NEK5: variants seen among roughly 807,000 people sequenced by gnomAD.
NEK5 encodes NIMA related kinase 5.
Under a neutral mutation model 109.2 loss-of-function variants are expected in NEK5, and 88 were observed. The ratio of observed to expected loss-of-function variants is 0.81; its 90% CI spans 0.68 to 0.96. The LOEUF is 0.96. Among genes scored for constraint, NEK5 ranks in the 40% least tolerant of loss-of-function variants. The probability of loss-of-function intolerance (pLI) is 0.00; values close to 1 mark genes in which losing one functional copy is unlikely to be tolerated. For synonymous variants in NEK5, 283 were observed against 299.9 expected, an observed-to-expected ratio of 0.94 and a Z score of 0.58; for missense variants, 834 against 920.7, an observed-to-expected ratio of 0.91 and a Z score of 1.22.
At chr13:52,061,627 C>T (rs1954615276) in intron 22 of NEK5, among the ~76,000 whole-genome samples, 192 bp downstream of exon 22, 1 of 152,146 alleles carries the variant, frequency 6.6e-6, no homozygotes, top group Admixed American at 6.5e-5. Flanking sequence ...ACACCACTCT[C>T]CTGGAAAGCT....
intron 12 of NEK5, among the ~76,000 whole-genome samples, chr13:52,099,292 G>A (rs1955480818): frequency 1.3e-5 from 2 of 152,150 alleles, no homozygotes; most frequent in African/African-American, 4.8e-5. Context: ...CAGCACTTTG[G>A]GAGGCCGAGG....
chr13:52,127,796 T>C (rs1410423944), intron 1 of NEK5, 134 bp from the exon 2 acceptor site: 3 of 256,054 alleles, frequency 1.2e-5, no homozygotes, highest in Non-Finnish European at 2.2e-5. Flanking sequence ...GGAATAACAA[T>C]ACCTGTTTTG....
intron 23 of NEK5, among the ~76,000 whole-genome samples, chr13:52,044,726 T>C (rs1326807894): frequency 6.6e-6 from 1 of 152,202 alleles, no homozygotes; most frequent in Non-Finnish European, 1.5e-5. Flanking sequence ...GGCTGTTATC[T>C]AACGAAGTGC....
chr13:52,063,948 G>C (rs886999857), intron 21 of NEK5, among the ~76,000 whole-genome samples: 2 of 150,074 alleles, frequency 1.3e-5, no homozygotes, highest in East Asian at 2.0e-4. Flanking sequence ...GGAGGGAGGT[G>C]GGGGGGTCAG....
intron 7 of NEK5, 40 bp downstream of exon 7, chr13:52,110,299 CT>C (rs1566814803): frequency 7.9e-7 from 1 of 1,258,174 alleles, no homozygotes; most frequent in Non-Finnish European, 1.2e-6. Flanking sequence ...CATATTTGGG[CT>C]ATTTTGACTA....
chr13:52,127,988 A>G lies in NEK5; in HGVS notation c.-90-326T>C, dbSNP rs1040707982. On this transcript the variant is annotated intron_variant, in intron 1 of 23. Transcript: ENST00000684899. ...AGCTGTTTCCCCAAGATTCAGAGGC[A>G]TGAGGTTTACAGGTGGTTGGGGCCT... Among the ~76,000 whole-genome samples the G allele has an allele frequency of 6.6e-5, 10 of 152,104 alleles. No homozygotes were observed. The South Asian group carries it at 8.3e-4, about 13-fold the overall frequency.
chr13:52,128,499 C>T (rs1956111788), intron 1 of NEK5, among the ~76,000 whole-genome samples: 1 of 152,142 alleles, frequency 6.6e-6, no homozygotes, highest in Admixed American at 6.5e-5. Flanking sequence ...ACAGTTAGGG[C>T]ATAATACAGT....
At chr13:52,099,897 C>T (rs765073219) in intron 11 of NEK5, 21 bp from the exon 12 acceptor site, 7 of 1,601,776 alleles carry the variant, frequency 4.4e-6, no homozygotes, top group South Asian at 2.2e-5. Flanking sequence ...CAAAATAAAA[C>T]AGCTTCAATT....
rs148152942 is a variant in NEK5, at chr13:52,102,119, A to G, written c.783T>C (p.Asn261=). 2 of 1,614,078 alleles carry G rather than the reference A, an allele frequency of 1.2e-6. No individual in the cohort carries two copies. The highest frequency in any genetic ancestry group is 1.3e-5 in the African/African-American group (1 of 75,064). Residue 261 remains asparagine, a synonymous_variant, in exon 10 of 24, where the codon AAT becomes AAC. Transcript: ENST00000684899. ...CAGGAGTCAAATATTTGGGAATAAGATTCTCTAAAAAGGGCCTTTTCAAAA... is the reference window on the plus strand; with the variant it reads ...CAGGAGTCAAATATTTGGGAATAAGGTTCTCTAAAAAGGGCCTTTTCAAAA... ...NSILKRPFLE[N]LIPKYLTPEV...
intron 4 of NEK5, among the ~76,000 whole-genome samples, chr13:52,113,944 GC>G (rs1955803462): frequency 6.6e-6 from 1 of 152,166 alleles, no homozygotes; most frequent in South Asian, 2.1e-4. Flanking sequence ...GAATCTGCCT[GC>G]ACCTTGATCT....
At chr13:52,068,586 T>A (rs911553457) in intron 20 of NEK5, among the ~76,000 whole-genome samples, 3 of 152,102 alleles carry the variant, frequency 2.0e-5, no homozygotes, top group African/African-American at 7.2e-5. Flanking sequence ...AAAGGTTTGA[T>A]TTAAATCAGT....
chr13:52,077,430 G>A (rs1226222096), intron 17 of NEK5, among the ~76,000 whole-genome samples: 1 of 152,188 alleles, frequency 6.6e-6, no homozygotes, highest in East Asian at 1.9e-4. Context: ...AACTGCCCCA[G>A]CCTCCTGTCT....
rs144054645 is a variant in NEK5 at position 52,051,142 on chromosome 13, G to A, written c.2111-921C>T. 7.1e-4 allele frequency among the ~76,000 whole-genome samples: 108 copies of A among 151,278 alleles called. 1 individual carries two copies. The East Asian group carries it at 0.017, about 23-fold the overall frequency. On this transcript the variant is annotated intron_variant, in intron 22 of 23. Coordinates refer to ENST00000684899, the MANE Select transcript of NEK5 (RefSeq NM_001365552.1). ...TTTAGGCTATAAACGTTTTTTAAAG[G>A]CCTTTTCTGCTTTTTCTTCTTTTGG... is the stretch of plus-strand genomic sequence containing the variant.
intron 15 of NEK5, 76 bp downstream of exon 15, chr13:52,087,258 GAAGT>G: frequency 1.4e-6 from 1 of 718,038 alleles, no homozygotes; most frequent in South Asian, 1.9e-5. Context: ...GTAGGAAATA[GAAGT>G]AACTCCCTAT....
chr13:52,068,308 C>T (rs1383490298), intron 20 of NEK5, among the ~76,000 whole-genome samples: 1 of 152,102 alleles, frequency 6.6e-6, no homozygotes, highest in Non-Finnish European at 1.5e-5. Flanking sequence ...AACGATACTG[C>T]AATATTTATT....
At position 52,083,354 on chromosome 13, in the gene NEK5, T is replaced by A. The variant is rs1251663014; in HGVS notation, c.1480-2A>T. 6.3e-7 allele frequency: 1 copy of A among 1,583,046 alleles called. No homozygotes were observed. Among genetic ancestry groups the A allele is most frequent in the Non-Finnish European group, 8.7e-7 (1 of 1,152,066 alleles). On this transcript the variant is annotated splice_acceptor_variant, in intron 16 of 23. Coordinates refer to ENST00000684899, the MANE Select transcript of NEK5 (RefSeq NM_001365552.1). LOFTEE classifies it high-confidence loss of function. ...TTTATGACTTATTTTTGAGTTCTCCTTTAACACAAATTATACACAGTCAAC... is the reference window on the plus strand; with the variant it reads ...TTTATGACTTATTTTTGAGTTCTCCATTAACACAAATTATACACAGTCAAC...
intron 23 of NEK5, among the ~76,000 whole-genome samples, chr13:52,037,891 C>G (rs963189648): frequency 1.3e-5 from 2 of 150,410 alleles, no homozygotes; most frequent in African/African-American, 4.9e-5. Context: ...CCACTGCACT[C>G]CAGCCTGGGC....
intron 13 of NEK5, among the ~76,000 whole-genome samples, chr13:52,092,437 A>C (rs1454794495): frequency 1.3e-5 from 2 of 152,172 alleles, no homozygotes; most frequent in Non-Finnish European, 2.9e-5. Flanking sequence ...AAAAAAAAGA[A>C]AGAAAGGCTG....
chr13:52,128,705 G>T (rs1956117523), intron 1 of NEK5, among the ~76,000 whole-genome samples: 1 of 152,078 alleles, frequency 6.6e-6, no homozygotes, highest in Non-Finnish European at 1.5e-5. Context: ...GGGAACTGAG[G>T]GCCCGCGACC....
Sources: gnomAD v4.1 joint callset for allele counts (sites outside exome capture counted in the v4.1 genomes callset) on GRCh38, gnomAD v4.1.1 for gene constraint, MANE v1.5 for transcripts, NCBI Gene and HGNC (gene_info 2026-07-23, HGNC 2026-07-21) for gene names.